Variants in SHROOM3 observed in about 807,000 individuals in gnomAD.
SHROOM3 encodes the protein shroom family member 3, also known as protein Shroom3.
SHROOM3 carries 47 observed loss-of-function variants against 138.6 expected under a neutral mutation model. The observed-to-expected ratio is 0.34, with a 90% confidence interval of 0.27 to 0.43. The LOEUF (loss-of-function observed/expected upper bound fraction) is 0.43. Among genes scored for constraint, SHROOM3 ranks in the 20% least tolerant of loss-of-function variants. The pLI, the probability that SHROOM3 is intolerant of heterozygous loss-of-function variation, is 1.00. For missense variants in SHROOM3, 2,491 were observed against 2,596.5 expected (o/e 0.96, Z 0.88); for synonymous variants, 1,062 against 1,063.3 (o/e 1.00, Z 0.02).
chr4:76,509,915 C>G (rs1412989164), intron 1 of SHROOM3, among the ~76,000 whole-genome samples: 1 of 152,118 alleles, frequency 6.6e-6, no homozygotes, highest in Non-Finnish European at 1.5e-5. Context: ...GTATTGCTCT[C>G]ATCTACTAGA....
intron 2 of SHROOM3, among the ~76,000 whole-genome samples, chr4:76,572,627 A>G (rs1158313523): frequency 2.6e-5 from 4 of 152,214 alleles, no homozygotes; most frequent in Non-Finnish European, 5.9e-5. Flanking sequence ...GATCGTTCAA[A>G]TGTAAATATC....
At chr4:76,719,385 C>T (rs1720470551) in intron 3 of SHROOM3, among the ~76,000 whole-genome samples, 1 of 152,148 alleles carries the variant, frequency 6.6e-6, no homozygotes, top group African/African-American at 2.4e-5. Flanking sequence ...AAATAAAATG[C>T]CCAGTTCCAA....
chr4:76,519,543 T>TC (rs997663233), intron 1 of SHROOM3, among the ~76,000 whole-genome samples: 2 of 151,952 alleles, frequency 1.3e-5, no homozygotes, highest in Admixed American at 6.6e-5. Flanking sequence ...TGGTCTCATT[T>TC]CCCCCCAGAA....
chr4:76,509,218 A>G (rs1732280615), intron 1 of SHROOM3: 1 of 151,670 alleles, frequency 6.6e-6, no homozygotes, highest in South Asian at 2.1e-4. Flanking sequence ...TTAAAATTTC[A>G]TTTTCAGATT....
At chr4:76,737,756 T>C (rs182822801) in intron 4 of SHROOM3, among the ~76,000 whole-genome samples, 1 of 152,354 alleles carries the variant, frequency 6.6e-6, no homozygotes. Flanking sequence ...TAGTGACTTA[T>C]GATGACAGCC....
intron 2 of SHROOM3, among the ~76,000 whole-genome samples, chr4:76,636,543 G>A (rs1445095050): frequency 6.6e-6 from 1 of 152,132 alleles, no homozygotes; most frequent in Non-Finnish European, 1.5e-5. Context: ...ACATTGTTTT[G>A]TTCAACACTG....
At chr4:76,774,473 A>C (rs1461956823) in intron 10 of SHROOM3, among the ~76,000 whole-genome samples, 1 of 152,130 alleles carries the variant, frequency 6.6e-6, no homozygotes, top group Non-Finnish European at 1.5e-5. Flanking sequence ...GCTTTAACTG[A>C]ATCTCTAAAA....
At chr4:76,725,730 C>T (rs1375325537) in intron 3 of SHROOM3, among the ~76,000 whole-genome samples, 1 of 152,118 alleles carries the variant, frequency 6.6e-6, no homozygotes, top group African/African-American at 2.4e-5. Flanking sequence ...TTCACATTTG[C>T]CAGCATCCAC....
chr4:76,445,016 G>C (rs1165778398), intron 1 of SHROOM3, among the ~76,000 whole-genome samples: 1 of 151,584 alleles, frequency 6.6e-6, no homozygotes, highest in Non-Finnish European at 1.5e-5. Flanking sequence ...AGGATCGCTT[G>C]AGCCCAGGAG....
At chr4:76,775,076 C>A (rs1462396473) in intron 10 of SHROOM3, among the ~76,000 whole-genome samples, 2 of 151,980 alleles carry the variant, frequency 1.3e-5, no homozygotes, top group East Asian at 1.9e-4. Flanking sequence ...GTACACTGTA[C>A]CCGATGTGTA....
chr4:76,556,353 G>T (rs184659037), intron 2 of SHROOM3, among the ~76,000 whole-genome samples: 290 of 152,316 alleles, frequency 1.9e-3, no homozygotes, highest in African/African-American at 6.5e-3. Context: ...GATGGGAATT[G>T]AATTATTTTT....
At chr4:76,669,456 ACT>A (rs1718812713) in intron 2 of SHROOM3, among the ~76,000 whole-genome samples, 1 of 152,154 alleles carries the variant, frequency 6.6e-6, no homozygotes, top group African/African-American at 2.4e-5. Context: ...CCCTGTCTCT[ACT>A]AAAAATTCAA....
In SHROOM3 at chr4:76,689,529, CG is replaced by C. The variant is rs986270298; in HGVS notation, c.324-20625del. On this transcript the variant is annotated intron_variant, in intron 2 of 10. Coordinates refer to ENST00000296043, the MANE Select transcript of SHROOM3 (RefSeq NM_020859.4). ...CCGGCCCACCGTGCAGCTGTAGCCG[CG>C]GCGCGGTGGCGCGGTGGCGCAGGGC... is the stretch of plus-strand genomic sequence containing the variant. 31 of 983,946 alleles carry C rather than the reference CG, an allele frequency of 3.2e-5. No homozygotes were observed. The African/African-American group carries it at 5.4e-4, about 17-fold the overall frequency. The allele number at this position is 983,946 out of a possible 1,614,324, so 61.0% of individuals were successfully genotyped here. A position where few individuals can be genotyped will look rare whatever the true frequency, so the allele number is the denominator to read the frequency against.
intron 2 of SHROOM3, among the ~76,000 whole-genome samples, chr4:76,685,716 C>A (rs1719316603): frequency 6.6e-6 from 1 of 152,280 alleles, no homozygotes; most frequent in South Asian, 2.1e-4. Context: ...CGGTGGCTCA[C>A]GCCTGTAATC....
At chr4:76,604,271 T>C (rs1231996791) in intron 2 of SHROOM3, among the ~76,000 whole-genome samples, 1 of 152,210 alleles carries the variant, frequency 6.6e-6, no homozygotes. Context: ...TGGTTGATTG[T>C]GCTTTAAAGG....
chr4:76,607,986 C>T (rs1734658013), intron 2 of SHROOM3, among the ~76,000 whole-genome samples: 1 of 152,184 alleles, frequency 6.6e-6, no homozygotes, highest in African/African-American at 2.4e-5. Context: ...GCTGTTCACT[C>T]CAAAACAGTG....
At chr4:76,696,845 GCAGGCT>G (rs1280170155) in intron 2 of SHROOM3, among the ~76,000 whole-genome samples, 3 of 152,152 alleles carry the variant, frequency 2.0e-5, no homozygotes, top group Non-Finnish European at 2.9e-5. Flanking sequence ...GGAAGACCAG[GCAGGCT>G]CTGGGAACTG....
At chr4:76,730,042 G>C (rs1447454735) in intron 3 of SHROOM3, among the ~76,000 whole-genome samples, 2 of 152,168 alleles carry the variant, frequency 1.3e-5, no homozygotes, top group Non-Finnish European at 1.5e-5. Context: ...CCAAAAATAA[G>C]GCACAGCAGC....
Position 76,738,825 on chromosome 4 carries a change from A to G in SHROOM3, c.652A>G (p.Ser218Gly). Reference sequence around the variant, plus strand: ...TCTAAGGCGGAGCCCTGACCAGTGCAGCTCCCAGGGGAGCATGGAGAGCCT... The same window carrying G: ...TCTAAGGCGGAGCCCTGACCAGTGCGGCTCCCAGGGGAGCATGGAGAGCCT... ...AYLRRSPDQC[S>G]SQGSMESLEP... The change falls in exon 5 of 11, where the codon AGC becomes GGC. Residue 218 changes from serine to glycine, a missense_variant. Ser to Gly is a moderately conservative substitution (Grantham distance 56, BLOSUM62 0). Coordinates refer to ENST00000296043, the MANE Select transcript of SHROOM3 (RefSeq NM_020859.4). 1 of 1,614,216 alleles carries G rather than the reference A, an allele frequency of 6.2e-7. No homozygotes were observed. The highest frequency in any genetic ancestry group is 8.5e-7 in the Non-Finnish European group (1 of 1,180,002).
Sources: allele counts gnomAD v4.1 joint callset (sites outside exome capture counted in the v4.1 genomes callset), GRCh38; gene constraint gnomAD v4.1.1; transcripts MANE v1.5; gene names NCBI Gene and HGNC (gene_info 2026-07-23, HGNC 2026-07-21).